Variants in NOSTRIN observed in about 807,000 individuals in gnomAD.
NOSTRIN encodes BM247 homolog.
A neutral mutation model predicts 59.0 loss-of-function variants in NOSTRIN; 63 were observed. The observed-to-expected ratio is 1.07, with a 90% confidence interval of 0.87 to 1.32. NOSTRIN has a LOEUF of 1.32. NOSTRIN is among the 40% of genes most tolerant of loss of function. The pLI is 0.00. For synonymous variants in NOSTRIN, 200 were observed against 165.4 expected, an observed-to-expected ratio of 1.21 and a Z score of -1.61; for missense variants, 512 against 473.1, an observed-to-expected ratio of 1.08 and a Z score of -0.76.
chr2:168,807,953 A>T (rs552970297), intron 1 of NOSTRIN, among the ~76,000 whole-genome samples: 1 of 152,276 alleles, frequency 6.6e-6, no homozygotes, highest in Non-Finnish European at 1.5e-5. Flanking sequence ...CCCTTACTTT[A>T]AGAGGTTGAA....
At chr2:168,789,455 C>T (rs1208457260) in intron 2 of NOSTRIN, among the ~76,000 whole-genome samples, 2 of 152,188 alleles carry the variant, frequency 1.3e-5, no homozygotes, top group African/African-American at 2.4e-5. Context: ...TCTCATGAGA[C>T]TTATTCACTG....
intron 8 of NOSTRIN, among the ~76,000 whole-genome samples, chr2:168,848,407 T>C (rs541805492): frequency 2.0e-5 from 3 of 152,348 alleles, no homozygotes; most frequent in East Asian, 1.9e-4. Context: ...ACTAAGAAGA[T>C]TGCCATGGGG....
In NOSTRIN at chr2:168,864,869, G is replaced by C; in HGVS notation, c.1420G>C (p.Gly474Arg). Residue 474 changes from glycine to arginine, a missense_variant, in exon 16 of 16, where the codon GGA becomes CGA. Gly to Arg is a moderately radical substitution (Grantham distance 125). Coordinates refer to ENST00000317647, the MANE Select transcript of NOSTRIN (RefSeq NM_001039724.4). The part of the protein sequence containing the change: ...IVIIHEKKEG[G>R]WWFGSLNGKK... ...GATTATACACGAGAAAAAAGAAGGAGGATGGTGGTTTGGATCTTTGAATGG... is the reference window on the plus strand; with the variant it reads ...GATTATACACGAGAAAAAAGAAGGACGATGGTGGTTTGGATCTTTGAATGG... 1 of 1,613,928 alleles carries C rather than the reference G, an allele frequency of 6.2e-7. No individual in the cohort carries two copies. The highest frequency in any genetic ancestry group is 8.5e-7 in the Non-Finnish European group (1 of 1,179,930).
chr2:168,802,537 C>CTT, upstream of NOSTRIN: 4 of 775,380 alleles, frequency 5.2e-6, no homozygotes, highest in South Asian at 5.8e-5. Context: ...CAAGGACTGA[C>CTT]GTACTCTAGG....
At chr2:168,856,652 AGT>A (rs1475412923) in intron 11 of NOSTRIN, 36 bp from the exon 12 acceptor site, 1 of 1,575,584 alleles carries the variant, frequency 6.3e-7, no homozygotes, top group African/African-American at 1.3e-5. Flanking sequence ...CCACTGAGAC[AGT>A]GTGAAAGGTG....
In NOSTRIN at chr2:168,803,497, G is replaced by A. The variant is rs866373371; in HGVS notation, c.27+824G>A. 8.5e-5 allele frequency among the ~76,000 whole-genome samples: 13 copies of A among 152,228 alleles called. No homozygotes were observed. In the South Asian group the frequency reaches 1.9e-3, roughly 22 times the overall value. On this transcript the variant is annotated intron_variant, in intron 1 of 15. Coordinates refer to ENST00000317647, the MANE Select transcript of NOSTRIN (RefSeq NM_001039724.4). ...ACTGTGGGGCGGCAGATAAATGGGCGCTGAGATAAAGTCATAAAGAAAAAG... is the reference window on the plus strand; with the variant it reads ...ACTGTGGGGCGGCAGATAAATGGGCACTGAGATAAAGTCATAAAGAAAAAG...
upstream of NOSTRIN, chr2:168,802,542 T>C (rs1047108234): frequency 1.3e-5 from 10 of 793,338 alleles, no homozygotes; most frequent in Non-Finnish European, 1.8e-5. Flanking sequence ...ACTGACGTAC[T>C]CTAGGCCCTT....
intron 1 of NOSTRIN, among the ~76,000 whole-genome samples, chr2:168,810,302 A>G (rs930383120): frequency 6.6e-6 from 1 of 152,240 alleles, no homozygotes; most frequent in Non-Finnish European, 1.5e-5. Flanking sequence ...AAACTACTGC[A>G]TAAGGGTAAA....
upstream of NOSTRIN, among the ~76,000 whole-genome samples, chr2:168,800,459 C>T (rs975914382): frequency 2.0e-4 from 30 of 152,030 alleles, no homozygotes; most frequent in Admixed American, 1.9e-3. Flanking sequence ...CTGGATTCAG[C>T]TGGGATGCCC....
chr2:168,840,211 A>G (rs997175785), intron 7 of NOSTRIN, among the ~76,000 whole-genome samples: 2 of 151,946 alleles, frequency 1.3e-5, no homozygotes, highest in Middle Eastern at 3.2e-3. Flanking sequence ...CTACAGACAC[A>G]TGTGGTTCAT....
chr2:168,854,899 C>G (rs1457406618), intron 10 of NOSTRIN, among the ~76,000 whole-genome samples: 1 of 152,186 alleles, frequency 6.6e-6, no homozygotes, highest in Non-Finnish European at 1.5e-5. Flanking sequence ...TAGCTCACAT[C>G]TTCCCAGTAC....
intron 2 of NOSTRIN, among the ~76,000 whole-genome samples, chr2:168,817,115 A>T (rs1033192941): frequency 6.6e-6 from 1 of 152,250 alleles, no homozygotes; most frequent in Non-Finnish European, 1.5e-5. Context: ...CACAGCGTAC[A>T]TACTTCTCTC....
At chr2:168,837,604 C>T (rs180994832) in intron 7 of NOSTRIN, among the ~76,000 whole-genome samples, 26 of 152,216 alleles carry the variant, frequency 1.7e-4, no homozygotes, top group Non-Finnish European at 2.8e-4. Context: ...CCACCGCGCC[C>T]GGTCACAATA....
At chr2:168,847,254 A>G (rs1037293512) in intron 8 of NOSTRIN, among the ~76,000 whole-genome samples, 2 of 152,216 alleles carry the variant, frequency 1.3e-5, no homozygotes, top group Non-Finnish European at 2.9e-5. Flanking sequence ...CTAGACTGAA[A>G]TATATCAATA....
Position 168,855,437 on chromosome 2 carries a change from A to C in NOSTRIN, c.941A>C (p.Glu314Ala), listed in dbSNP as rs751693122. The change falls in exon 11 of 16, where the codon GAA becomes GCA. Residue 314 changes from glutamate to alanine, a missense_variant. Transcript: ENST00000317647. ...PKLLRLQRDIEKASKDKEGLE... is the reference protein window; with the variant it reads ...PKLLRLQRDIAKASKDKEGLE... ...TTATTGAGACTGCAGAGAGACATTGAAAAAGCCTCAAAAGACAAGGAAGGT... is the reference window on the plus strand; with the variant it reads ...TTATTGAGACTGCAGAGAGACATTGCAAAAGCCTCAAAAGACAAGGAAGGT... The C allele has an allele frequency of 6.2e-7, 1 of 1,605,458 alleles. No homozygotes were observed. Among genetic ancestry groups the C allele is most frequent in the Non-Finnish European group, 8.5e-7 (1 of 1,173,212 alleles).
intron 1 of NOSTRIN, among the ~76,000 whole-genome samples, chr2:168,810,435 A>G (rs1686072107): frequency 6.6e-6 from 1 of 152,092 alleles, no homozygotes; most frequent in Non-Finnish European, 1.5e-5. Context: ...CCTTAGTTTG[A>G]TACTCTGCTA....
intron 2 of NOSTRIN, among the ~76,000 whole-genome samples, chr2:168,824,308 T>C (rs908943343): frequency 5.9e-5 from 9 of 152,152 alleles, no homozygotes; most frequent in Non-Finnish European, 5.9e-5. Flanking sequence ...AATCAATTTT[T>C]TTTTTTTTGA....
chr2:168,824,401 C>T lies in NOSTRIN; in HGVS notation c.114-233C>T, dbSNP rs569877674. Among the ~76,000 whole-genome samples the T allele has an allele frequency of 1.7e-3, 260 of 152,060 alleles. 1 individual carries two copies. Among genetic ancestry groups the T allele is most frequent in the Non-Finnish European group, 1.9e-3 (129 of 67,984 alleles). On this transcript the variant is annotated intron_variant, in intron 2 of 15. Transcript: ENST00000317647. ...GTAACATCCTCTTCCCATGCTCAAGCGATTCTCGCACCTCAGCCTCCCAAG... is the reference window on the plus strand; with the variant it reads ...GTAACATCCTCTTCCCATGCTCAAGTGATTCTCGCACCTCAGCCTCCCAAG...
At chr2:168,791,748 G>A (rs1685358785) in intron 2 of NOSTRIN, among the ~76,000 whole-genome samples, 1 of 151,900 alleles carries the variant, frequency 6.6e-6, no homozygotes, top group Non-Finnish European at 1.5e-5. Flanking sequence ...GCCAGTGACG[G>A]TTTTTTTCAT....
Sources: allele counts gnomAD v4.1 joint callset (sites outside exome capture counted in the v4.1 genomes callset), GRCh38; gene constraint gnomAD v4.1.1; transcripts MANE v1.5; gene names NCBI Gene and HGNC (gene_info 2026-07-23, HGNC 2026-07-21).